PIGK: variants seen among roughly 807,000 people sequenced by gnomAD.
The protein encoded by PIGK is GPI-anchor transamidase.
A neutral mutation model predicts 50.6 loss-of-function variants in PIGK; 42 were observed. The ratio of observed to expected loss-of-function variants is 0.83; its 90% CI spans 0.65 to 1.07. The LOEUF (loss-of-function observed/expected upper bound fraction) is 1.07, where lower values mean the gene tolerates loss of function less well. Among genes scored for constraint, PIGK ranks in the 50% least tolerant of loss-of-function variants. The pLI, the probability that PIGK is intolerant of heterozygous loss-of-function variation, is 0.00. For synonymous variants in PIGK, 151 were observed against 156.0 expected (o/e 0.97, Z 0.24); for missense variants, 448 against 488.7 (o/e 0.92, Z 0.78).
chr1:77,197,109 C>A (rs952721997), intron 3 of PIGK, among the ~76,000 whole-genome samples: 1 of 151,974 alleles, frequency 6.6e-6, no homozygotes, highest in Admixed American at 6.6e-5. Context: ...ATGCAATCAA[C>A]GTAATTAGAA....
intron 9 of PIGK, among the ~76,000 whole-genome samples, chr1:77,150,465 G>GCA (rs1654871345): frequency 6.8e-6 from 1 of 146,368 alleles, no homozygotes; most frequent in East Asian, 2.0e-4. Context: ...AGACTAGCTT[G>GCA]AGCAACAGAG....
chr1:77,162,872 C>G (rs1655159365), intron 6 of PIGK, among the ~76,000 whole-genome samples: 1 of 152,136 alleles, frequency 6.6e-6, no homozygotes, highest in Non-Finnish European at 1.5e-5. Flanking sequence ...AACAAGAGAG[C>G]AAGCTCTAGG....
chr1:77,143,451 G>A (rs980855864), intron 9 of PIGK, among the ~76,000 whole-genome samples: 1 of 151,524 alleles, frequency 6.6e-6, no homozygotes, highest in Admixed American at 6.6e-5. Flanking sequence ...CAACATAAAG[G>A]ATATCATAAG....
chr1:77,177,477 G>C (rs944592569), intron 3 of PIGK, among the ~76,000 whole-genome samples: 1 of 152,202 alleles, frequency 6.6e-6, no homozygotes, highest in Non-Finnish European at 1.5e-5. Context: ...CAGATAACTA[G>C]CCAAAGCCCA....
At chr1:77,110,905 A>G (rs1557794650) in intron 10 of PIGK, among the ~76,000 whole-genome samples, 1 of 152,158 alleles carries the variant, frequency 6.6e-6, no homozygotes. Flanking sequence ...AACTCAAACA[A>G]ATTTACAAGA....
chr1:77,125,998 T>G (rs1024600400), intron 9 of PIGK, among the ~76,000 whole-genome samples: 1 of 152,156 alleles, frequency 6.6e-6, no homozygotes, highest in Non-Finnish European at 1.5e-5. Context: ...TCTGAGATGA[T>G]TTTTGTCTTT....
At chr1:77,206,794 A>G in intron 2 of PIGK, 63 bp from the exon 3 acceptor site, 2 of 958,738 alleles carry the variant, frequency 2.1e-6, no homozygotes, top group Non-Finnish European at 3.4e-6. Flanking sequence ...GCTGCAGAGT[A>G]TTTTTCTTTA....
At chr1:77,142,405 C>T (rs999651935) in intron 9 of PIGK, among the ~76,000 whole-genome samples, 20 of 152,140 alleles carry the variant, frequency 1.3e-4, no homozygotes, top group Middle Eastern at 3.2e-3. Context: ...ATATACACTA[C>T]CTTCAATCTT....
At chr1:77,173,776 G>A (rs952659647) in intron 3 of PIGK, among the ~76,000 whole-genome samples, 2 of 152,142 alleles carry the variant, frequency 1.3e-5, no homozygotes, top group East Asian at 1.9e-4. Context: ...TATTAAAGAC[G>A]GCCCAGCAAG....
chr1:77,184,361 T>C (rs1655693184), intron 3 of PIGK, among the ~76,000 whole-genome samples: 1 of 152,068 alleles, frequency 6.6e-6, no homozygotes, highest in South Asian at 2.1e-4. Flanking sequence ...CTTGAGCCAG[T>C]TTACAGATCC....
chr1:77,194,594 C>T (rs528266321), intron 3 of PIGK, among the ~76,000 whole-genome samples: 29 of 136,144 alleles, frequency 2.1e-4, no homozygotes, highest in African/African-American at 8.0e-4. Flanking sequence ...ACTGGGTACA[C>T]ATGGACACAA....
rs1423635267 is a variant in PIGK at position 77,207,736 on chromosome 1, G to C, written c.148-1005C>G. Among the ~76,000 whole-genome samples the C allele has an allele frequency of 3.3e-5, 5 of 152,098 alleles. No homozygotes were observed. The South Asian group carries it at 6.2e-4, about 19-fold the overall frequency. Reference sequence around the variant, plus strand: ...AATATATCTACCAAGTACAATCCCGGCTTCTATCACATGCCTGTGCCTTTA... The same window carrying C: ...AATATATCTACCAAGTACAATCCCGCCTTCTATCACATGCCTGTGCCTTTA... On this transcript the variant is annotated intron_variant, in intron 2 of 10. Coordinates refer to ENST00000370812, the MANE Select transcript of PIGK (RefSeq NM_005482.3).
intron 10 of PIGK, among the ~76,000 whole-genome samples, chr1:77,105,434 G>A (rs372325316): frequency 6.6e-6 from 1 of 151,696 alleles, no homozygotes; most frequent in Non-Finnish European, 1.5e-5. Flanking sequence ...GTTTCAGTGG[G>A]GACCCACCCC....
intron 3 of PIGK, chr1:77,194,911 T>C: frequency 2.0e-6 from 1 of 505,600 alleles, no homozygotes; most frequent in Admixed American, 2.3e-5. Flanking sequence ...GGTGGTCAAA[T>C]GGATGGACAG....
At chr1:77,183,395 G>A (rs986031302) in intron 3 of PIGK, among the ~76,000 whole-genome samples, 8 of 152,068 alleles carry the variant, frequency 5.3e-5, no homozygotes, top group East Asian at 1.9e-4. Flanking sequence ...CAACAGTAAC[G>A]GCCTCCCCTG....
intron 8 of PIGK, among the ~76,000 whole-genome samples, chr1:77,160,804 G>T (rs1019085832): frequency 6.6e-5 from 10 of 152,172 alleles, no homozygotes; most frequent in African/African-American, 2.4e-4. Flanking sequence ...ACTATAAATT[G>T]TAGGGCCCAC....
intron 1 of PIGK, among the ~76,000 whole-genome samples, chr1:77,211,787 G>A (rs1200663895): frequency 6.7e-6 from 1 of 148,810 alleles, no homozygotes; most frequent in Non-Finnish European, 1.5e-5. Context: ...CATAAAGATT[G>A]CTGAGGTTTC....
chr1:77,093,746 A>T (rs1653349195), intron 10 of PIGK, among the ~76,000 whole-genome samples: 1 of 152,144 alleles, frequency 6.6e-6, no homozygotes, highest in Non-Finnish European at 1.5e-5. Flanking sequence ...TATTAAATCC[A>T]ATTTTTCTCA....
intron 1 of PIGK, among the ~76,000 whole-genome samples, chr1:77,216,769 G>A (rs1022032707): frequency 2.0e-5 from 3 of 151,990 alleles, no homozygotes; most frequent in African/African-American, 4.8e-5. Context: ...GTCCTATCTC[G>A]CAACTGGCTG....
Sources: gnomAD v4.1 joint callset for allele counts (sites outside exome capture counted in the v4.1 genomes callset) on GRCh38, gnomAD v4.1.1 for gene constraint, MANE v1.5 for transcripts, NCBI Gene and HGNC (gene_info 2026-07-23, HGNC 2026-07-21) for gene names.